Variants in FMNL2 observed in about 807,000 individuals in gnomAD.
FMNL2 encodes formin like 2.
Under a neutral mutation model 130.2 loss-of-function variants are expected in FMNL2, and 51 were observed. The ratio of observed to expected loss-of-function variants is 0.39; its 90% CI spans 0.31 to 0.49. FMNL2 has a LOEUF of 0.49. FMNL2 is among the 20% of genes least tolerant of loss of function. FMNL2 has a pLI of 0.85. For synonymous variants in FMNL2, 465 were observed against 467.1 expected (o/e 1.00, Z 0.06); for missense variants, 977 against 1,316.2 (o/e 0.74, Z 3.99).
chr2:152,452,493 T>C (rs563351196), intron 1 of FMNL2, among the ~76,000 whole-genome samples: 2 of 151,484 alleles, frequency 1.3e-5, no homozygotes, highest in Admixed American at 6.6e-5. Context: ...CAGAAACTTC[T>C]TGGCAAAGGC....
chr2:152,443,251 A>T lies in FMNL2; in HGVS notation c.118-78692A>T, dbSNP rs533255063. The stretch of plus-strand genomic sequence containing the variant: ...TTTCTGAGAGAGGTCAGGAAGCAGG[A>T]TAGTGATGTGATGGTGTGTGTGGAG... On this transcript the variant is annotated intron_variant, in intron 1 of 25. Transcript: ENST00000288670. 3.3e-5 allele frequency among the ~76,000 whole-genome samples: 5 copies of T among 152,226 alleles called. No individual in the cohort carries two copies. In the South Asian group the frequency reaches 1.0e-3, roughly 32 times the overall value.
chr2:152,440,024 TAAGGATAAGCCACAA>T (rs527861975), intron 1 of FMNL2, among the ~76,000 whole-genome samples: 1 of 152,062 alleles, frequency 6.6e-6, no homozygotes, highest in Admixed American at 6.5e-5. Context: ...TGAGAACATC[TAAGGATAAGCCACAA>T]AATGAGAAGT....
At chr2:152,464,848 G>C (rs529050649) in intron 1 of FMNL2, among the ~76,000 whole-genome samples, 2 of 152,188 alleles carry the variant, frequency 1.3e-5, no homozygotes, top group Non-Finnish European at 2.9e-5. Flanking sequence ...GCTTAGCGAA[G>C]TGGAGGGTTC....
At chr2:152,600,116 A>G (rs1358153541) in intron 9 of FMNL2, among the ~76,000 whole-genome samples, 2 of 152,196 alleles carry the variant, frequency 1.3e-5, no homozygotes, top group African/African-American at 2.4e-5. Context: ...CTATGAAATA[A>G]CTGTTTACTT....
intron 15 of FMNL2, among the ~76,000 whole-genome samples, chr2:152,621,794 A>C (rs1580119284): frequency 6.6e-6 from 1 of 152,208 alleles, no homozygotes; most frequent in East Asian, 1.9e-4. Flanking sequence ...TCTCTCTCTC[A>C]CTCTGGAACC....
chr2:152,507,258 A>G (rs1300980510), intron 1 of FMNL2, among the ~76,000 whole-genome samples: 1 of 152,234 alleles, frequency 6.6e-6, no homozygotes, highest in African/African-American at 2.4e-5. Flanking sequence ...CTAAACATCC[A>G]TTGTGTTTAT....
At chr2:152,387,805 C>G (rs1035771212) in intron 1 of FMNL2, among the ~76,000 whole-genome samples, 1 of 143,520 alleles carries the variant, frequency 7.0e-6, no homozygotes, top group Non-Finnish European at 1.5e-5. Flanking sequence ...TCACACCTGG[C>G]TAATTAAAAA....
At chr2:152,594,915 A>G (rs1003844269) in intron 9 of FMNL2, among the ~76,000 whole-genome samples, 1 of 152,152 alleles carries the variant, frequency 6.6e-6, no homozygotes, top group Non-Finnish European at 1.5e-5. Flanking sequence ...GTTCCTACTT[A>G]TGGTCCAACA....
At chr2:152,621,446 A>G (rs773735694) in intron 15 of FMNL2, among the ~76,000 whole-genome samples, 45 of 152,142 alleles carry the variant, frequency 3.0e-4, no homozygotes, top group Non-Finnish European at 5.1e-4. Context: ...GGCTCTGTCA[A>G]TTGCCTCAAT....
intron 1 of FMNL2, among the ~76,000 whole-genome samples, chr2:152,375,431 A>T (rs1163222702): frequency 1.3e-5 from 2 of 152,252 alleles, no homozygotes; most frequent in South Asian, 2.1e-4. Flanking sequence ...TGCTTAAAAT[A>T]GGAGTTGGCA....
At chr2:152,447,604 T>C (rs1688415204) in intron 1 of FMNL2, among the ~76,000 whole-genome samples, 1 of 152,184 alleles carries the variant, frequency 6.6e-6, no homozygotes, top group South Asian at 2.1e-4. Flanking sequence ...TTACCATCTT[T>C]TTCCACTTTG....
chr2:152,451,752 G>A (rs1190247753), intron 1 of FMNL2, among the ~76,000 whole-genome samples: 1 of 152,068 alleles, frequency 6.6e-6, no homozygotes, highest in African/African-American at 2.4e-5. Context: ...ACATAATTAG[G>A]TGGCTTTTCC....
Position 152,623,175 on chromosome 2 carries a change from A to G in FMNL2, c.1838-2263A>G, listed in dbSNP as rs926119077. On this transcript the variant is annotated intron_variant, in intron 15 of 25. Transcript: ENST00000288670. Reference sequence around the variant, plus strand: ...TTCTAGCGAGCGTCATGAGCCTACCATGTCTGTGGGAGGAAGGTAGGACGC... The same window carrying G: ...TTCTAGCGAGCGTCATGAGCCTACCGTGTCTGTGGGAGGAAGGTAGGACGC... 9.9e-5 allele frequency among the ~76,000 whole-genome samples: 15 copies of G among 152,248 alleles called. No homozygotes were observed. The East Asian group carries it at 1.5e-3, about 16-fold the overall frequency.
chr2:152,601,307 T>TC (rs1698040719), intron 9 of FMNL2, among the ~76,000 whole-genome samples: 1 of 106,348 alleles, frequency 9.4e-6, no homozygotes, highest in African/African-American at 7.0e-5. Flanking sequence ...TTTTTTCTTT[T>TC]TTTTTTTTTT....
At chr2:152,366,076 G>C (rs1239130642) in intron 1 of FMNL2, among the ~76,000 whole-genome samples, 3 of 152,106 alleles carry the variant, frequency 2.0e-5, no homozygotes, top group African/African-American at 7.2e-5. Flanking sequence ...GAATGATGGA[G>C]AGAAAAGAGT....
At chr2:152,587,828 A>T (rs1055076160) in intron 9 of FMNL2, among the ~76,000 whole-genome samples, 1 of 152,252 alleles carries the variant, frequency 6.6e-6, no homozygotes, top group Admixed American at 6.5e-5. Flanking sequence ...AATGAATCAG[A>T]CATATGCCCT....
At chr2:152,587,991 A>T (rs1313997093) in intron 9 of FMNL2, among the ~76,000 whole-genome samples, 1 of 152,254 alleles carries the variant, frequency 6.6e-6, no homozygotes, top group Non-Finnish European at 1.5e-5. Context: ...AGATGGGGAA[A>T]GAGCTCTCAA....
At chr2:152,493,447 G>A (rs1022049289) in intron 1 of FMNL2, among the ~76,000 whole-genome samples, 2 of 152,238 alleles carry the variant, frequency 1.3e-5, no homozygotes, top group African/African-American at 2.4e-5. Flanking sequence ...GAGCGGTGTT[G>A]TAGTTTGGAT....
chr2:152,373,799 A>AT (rs902370932), intron 1 of FMNL2, among the ~76,000 whole-genome samples: 121 of 145,520 alleles, frequency 8.3e-4, no homozygotes, highest in Non-Finnish European at 7.9e-4. Context: ...GGCTGACTGT[A>AT]TTTTTTTTTT....
Sources: gnomAD v4.1 joint callset for allele counts (sites outside exome capture counted in the v4.1 genomes callset) on GRCh38, gnomAD v4.1.1 for gene constraint, MANE v1.5 for transcripts, NCBI Gene and HGNC (gene_info 2026-07-23, HGNC 2026-07-21) for gene names.